Variants in XKR6 observed in about 807,000 individuals in gnomAD.
XKR6 encodes XK related 6.
Under a neutral mutation model 56.7 loss-of-function variants are expected in XKR6, and 22 were observed. That is an observed-to-expected ratio of 0.39 (90% CI 0.28 to 0.55). The LOEUF (loss-of-function observed/expected upper bound fraction) is 0.55. XKR6 is among the 20% of genes least tolerant of loss of function. The pLI is 0.66. For missense variants in XKR6, 852 were observed against 889.0 expected (o/e 0.96, Z 0.53); for synonymous variants, 524 against 387.8 (o/e 1.35, Z -4.13).
At chr8:11,131,059 G>A (rs1036819645) in intron 1 of XKR6, among the ~76,000 whole-genome samples, 3 of 152,028 alleles carry the variant, frequency 2.0e-5, no homozygotes, top group African/African-American at 7.3e-5. Context: ...CTGTCCCGGG[G>A]GATTTCTCTT....
chr8:11,170,785 G>T (rs1802327060), intron 1 of XKR6, among the ~76,000 whole-genome samples: 1 of 152,184 alleles, frequency 6.6e-6, no homozygotes, highest in South Asian at 2.1e-4. Context: ...CAAAATCTCA[G>T]GGGGCGCAAC....
intron 1 of XKR6, among the ~76,000 whole-genome samples, chr8:11,019,086 A>G (rs910669589): frequency 2.6e-5 from 4 of 152,132 alleles, no homozygotes; most frequent in African/African-American, 9.7e-5. Flanking sequence ...GTCCTGTTAG[A>G]GAATAGAGTC....
intron 1 of XKR6, among the ~76,000 whole-genome samples, chr8:10,948,569 A>G (rs945707361): frequency 1.3e-5 from 2 of 151,948 alleles, no homozygotes; most frequent in Non-Finnish European, 2.9e-5. Context: ...CTGCCCAGAG[A>G]TCTTTCCACC....
At chr8:10,902,132 G>A (rs1397067448) in intron 2 of XKR6, among the ~76,000 whole-genome samples, 1 of 152,124 alleles carries the variant, frequency 6.6e-6, no homozygotes, top group Non-Finnish European at 1.5e-5. Flanking sequence ...CTAGAATTTC[G>A]CCCAAGGGTA....
chr8:10,964,855 C>G (rs569653279), intron 1 of XKR6, among the ~76,000 whole-genome samples: 156 of 152,364 alleles, frequency 1.0e-3, no homozygotes, highest in African/African-American at 3.7e-3. Flanking sequence ...AGCCCTTTCC[C>G]CTGACATAGC....
At chr8:11,107,194 AT>A (rs562010935) in intron 1 of XKR6, among the ~76,000 whole-genome samples, 7,674 of 144,338 alleles carry the variant, frequency 0.053, 210 homozygotes, top group Non-Finnish European at 0.069. Flanking sequence ...CAGGATTCCA[AT>A]TTTTTTTTTT....
At chr8:11,098,271 C>A (rs1195683859) in intron 1 of XKR6, among the ~76,000 whole-genome samples, 3 of 151,960 alleles carry the variant, frequency 2.0e-5, no homozygotes, top group Non-Finnish European at 4.4e-5. Flanking sequence ...CACACACATG[C>A]ACGACACACA....
intron 2 of XKR6, among the ~76,000 whole-genome samples, chr8:10,915,523 T>C (rs762185625): frequency 1.3e-5 from 2 of 151,980 alleles, no homozygotes; most frequent in East Asian, 3.9e-4. Context: ...TTTTTTCTGC[T>C]GCTTTAAGAA....
chr8:10,946,542 G>T (rs535437361), intron 1 of XKR6, among the ~76,000 whole-genome samples: 6 of 151,952 alleles, frequency 3.9e-5, no homozygotes, highest in Admixed American at 2.0e-4. Context: ...CCTGGGGGTG[G>T]CGTGTCCTGC....
intron 1 of XKR6, among the ~76,000 whole-genome samples, chr8:11,159,605 C>G (rs997496146): frequency 2.0e-5 from 3 of 152,178 alleles, no homozygotes; most frequent in African/African-American, 7.2e-5. Flanking sequence ...TTGTCAGTCC[C>G]CAATCCAAAC....
chr8:11,019,551 C>A lies in XKR6; in HGVS notation c.765-94721G>T, dbSNP rs551534257. The stretch of plus-strand genomic sequence containing the variant: ...AGGCACAGGAGGCAGGACTCAGGAA[C>A]AGGCTGCTAGAACGCGCAGGTGACA... On this transcript the variant is annotated intron_variant, in intron 1 of 2. Coordinates refer to ENST00000416569, the MANE Select transcript of XKR6 (RefSeq NM_173683.4). 7.2e-5 allele frequency among the ~76,000 whole-genome samples: 11 copies of A among 152,332 alleles called. No homozygotes were observed. The East Asian group carries it at 2.1e-3, about 29-fold the overall frequency.
intron 1 of XKR6, among the ~76,000 whole-genome samples, chr8:11,091,157 G>C (rs1281551848): frequency 1.3e-5 from 2 of 152,198 alleles, no homozygotes; most frequent in African/African-American, 2.4e-5. Context: ...AAGGCCTGGA[G>C]TGGTGGTTCA....
chr8:10,979,769 C>T (rs1053293570), intron 1 of XKR6, among the ~76,000 whole-genome samples: 5 of 152,202 alleles, frequency 3.3e-5, no homozygotes, highest in African/African-American at 1.2e-4. Flanking sequence ...TAGGGGTTTT[C>T]TCTCAGCTCT....
At chr8:11,004,543 T>C (rs1798322328) in intron 1 of XKR6, among the ~76,000 whole-genome samples, 1 of 152,154 alleles carries the variant, frequency 6.6e-6, no homozygotes, top group South Asian at 2.1e-4. Context: ...CCAGGTGGTT[T>C]ATTATCCTGA....
At chr8:11,048,012 G>A (rs1023909523) in intron 1 of XKR6, among the ~76,000 whole-genome samples, 14 of 152,106 alleles carry the variant, frequency 9.2e-5, no homozygotes, top group Admixed American at 3.9e-4. Context: ...AGCCTCCAGC[G>A]CCTGTGTTCT....
rs1328442242 is a variant in XKR6, at chr8:11,059,629, CGCGGG to C, written c.765-134804_765-134800del. Among the ~76,000 whole-genome samples the C allele has an allele frequency of 1.5e-4, 23 of 150,258 alleles. No homozygotes were observed. The South Asian group carries it at 4.2e-3, about 28-fold the overall frequency. The stretch of plus-strand genomic sequence containing the variant: ...AGCAGGGCGCTGGGGGCGCGGGGGG[CGCGGG>C]GCGGGGCGGGACAGGTGCGGGGGGC... On this transcript the variant is annotated intron_variant, in intron 1 of 2. Transcript: ENST00000416569.
At chr8:10,928,432 G>A (rs76178988) in intron 1 of XKR6, among the ~76,000 whole-genome samples, 5,208 of 152,346 alleles carry the variant, frequency 0.034, 132 homozygotes, top group Non-Finnish European at 0.052. Flanking sequence ...TGGGGTGGGA[G>A]GAAGGCATAA....
chr8:11,060,413 C>G (rs1217225771), intron 1 of XKR6, among the ~76,000 whole-genome samples: 1 of 152,226 alleles, frequency 6.6e-6, no homozygotes, highest in Admixed American at 6.5e-5. Context: ...GCCCCTGCCT[C>G]CTCCGCAGCC....
intron 1 of XKR6, among the ~76,000 whole-genome samples, chr8:11,131,797 T>A (rs1800114988): frequency 6.6e-6 from 1 of 152,182 alleles, no homozygotes; most frequent in Admixed American, 6.5e-5. Flanking sequence ...GCATTACAAC[T>A]GCCTACACTA....
Sources: allele counts gnomAD v4.1 joint callset (sites outside exome capture counted in the v4.1 genomes callset), GRCh38; gene constraint gnomAD v4.1.1; transcripts MANE v1.5; gene names NCBI Gene and HGNC (gene_info 2026-07-23, HGNC 2026-07-21).